SMIM14: variants seen among roughly 807,000 people sequenced by gnomAD.
The protein encoded by SMIM14 is small integral membrane protein 14.
A neutral mutation model predicts 12.6 loss-of-function variants in SMIM14; 5 were observed. The observed-to-expected ratio is 0.40, with a 90% CI of 0.21 to 0.83. SMIM14 has a LOEUF of 0.83. Ranked by LOEUF, SMIM14 falls within the 40% of genes least tolerant of loss-of-function variation. The pLI is 0.37. For synonymous variants in SMIM14, 30 were observed against 40.1 expected, an observed-to-expected ratio of 0.75 and a Z score of 0.95; for missense variants, 86 against 119.1, an observed-to-expected ratio of 0.72 and a Z score of 1.29.
At chr4:39,575,361 A>T (rs534631078) in intron 2 of SMIM14, among the ~76,000 whole-genome samples, 12 of 151,954 alleles carry the variant, frequency 7.9e-5, no homozygotes, top group Admixed American at 2.6e-4. Context: ...AGATTTTTTT[A>T]AAAAATTAAT....
intron 2 of SMIM14, among the ~76,000 whole-genome samples, chr4:39,590,028 A>C (rs901994254): frequency 2.7e-5 from 4 of 150,888 alleles, no homozygotes; most frequent in Non-Finnish European, 5.9e-5. Flanking sequence ...GTTTCAAAAA[A>C]AAAAAAAAAA....
intron 1 of SMIM14, among the ~76,000 whole-genome samples, chr4:39,632,781 A>T (rs1423396449): frequency 2.3e-5 from 1 of 43,566 alleles, no homozygotes; most frequent in Non-Finnish European, 4.7e-5. Flanking sequence ...CCCGTCACAC[A>T]CACACACACA....
At chr4:39,638,479 C>T (rs1428727948) in intron 1 of SMIM14, 9 of 985,362 alleles carry the variant, frequency 9.1e-6, no homozygotes, top group Non-Finnish European at 1.1e-5. Context: ...CTACCTTGCC[C>T]TTGCCTGCAA....
intron 3 of SMIM14, among the ~76,000 whole-genome samples, chr4:39,568,262 G>C (rs1411765188): frequency 6.7e-6 from 1 of 149,182 alleles, no homozygotes; most frequent in Admixed American, 6.7e-5. Flanking sequence ...CTGGGCAACA[G>C]AGCAAGACTC....
intron 1 of SMIM14, among the ~76,000 whole-genome samples, chr4:39,623,357 G>A (rs1053611702): frequency 1.3e-5 from 2 of 152,024 alleles, no homozygotes; most frequent in African/African-American, 4.8e-5. Context: ...CATTTTTATA[G>A]AAAAACAAAC....
chr4:39,559,842 C>T (rs528450904), intron 3 of SMIM14, among the ~76,000 whole-genome samples: 2 of 151,978 alleles, frequency 1.3e-5, no homozygotes, highest in East Asian at 1.9e-4. Flanking sequence ...ACAGGCCGGG[C>T]GTGGCAGCTC....
At chr4:39,568,459 G>A (rs1342485576) in intron 3 of SMIM14, among the ~76,000 whole-genome samples, 1 of 151,798 alleles carries the variant, frequency 6.6e-6, no homozygotes, top group African/African-American at 2.4e-5. Context: ...CTATGAAAAG[G>A]GGAAGAGTAA....
chr4:39,611,432 G>C (rs1217129378), intron 1 of SMIM14, among the ~76,000 whole-genome samples: 1 of 152,074 alleles, frequency 6.6e-6, no homozygotes, highest in Non-Finnish European at 1.5e-5. Context: ...CTTGAACTCG[G>C]GGGGTGGAGG....
intron 2 of SMIM14, among the ~76,000 whole-genome samples, chr4:39,590,699 G>A (rs1208936064): frequency 6.6e-6 from 1 of 151,998 alleles, no homozygotes; most frequent in Non-Finnish European, 1.5e-5. Flanking sequence ...CTACTTGGGA[G>A]GCTGAGGCAG....
At position 39,566,695 on chromosome 4, in the gene SMIM14, G is replaced by A. The variant is rs556064589; in HGVS notation, c.124+5720C>T. Among the ~76,000 whole-genome samples the A allele has an allele frequency of 3.3e-5, 5 of 152,116 alleles. No homozygotes were observed. The South Asian group carries it at 8.3e-4, about 25-fold the overall frequency. ...TAAAAATACAAAAATTAGGCCAGGC[G>A]TGGTGGCTCACGCCTATAATCCCAG... On this transcript the variant is annotated intron_variant, in intron 3 of 4. Coordinates refer to ENST00000295958, the MANE Select transcript of SMIM14 (RefSeq NM_174921.3).
intron 4 of SMIM14, 124 bp downstream of exon 4, chr4:39,556,304 G>T (rs1421796058): frequency 2.4e-6 from 2 of 850,924 alleles, no homozygotes; most frequent in Non-Finnish European, 3.6e-6. Context: ...TACATAGGTA[G>T]AATACTCTAT....
rs1306140533 is a variant in SMIM14, at chr4:39,558,736, G to A, written c.125-2166C>T. ...TTTTTTTGTTTGTTTTTTTGAGACA[G>A]AGTCTTGCCCTGTCGTCCAAGCTGG... is the stretch of plus-strand genomic sequence containing the variant. On this transcript the variant is annotated intron_variant, in intron 3 of 4. Coordinates refer to ENST00000295958, the MANE Select transcript of SMIM14 (RefSeq NM_174921.3). The surrounding 1 kb of genome is among the most constrained non-coding windows in gnomAD (Gnocchi z 4.3). Among the ~76,000 whole-genome samples the A allele has an allele frequency of 6.6e-6, 1 of 152,144 alleles. No homozygotes were observed. The highest frequency in any genetic ancestry group is 2.4e-5 in the African/African-American group (1 of 41,438).
intron 1 of SMIM14, among the ~76,000 whole-genome samples, chr4:39,636,527 C>T (rs145873274): frequency 3.8e-4 from 58 of 152,232 alleles, no homozygotes; most frequent in African/African-American, 1.3e-3. Context: ...CCATTATCCA[C>T]AAGGGATACA....
rs1711734434 is a variant in SMIM14 at position 39,551,952 on chromosome 4, A to C, written c.*174T>G. 4.4e-6 allele frequency: 2 copies of C among 453,734 alleles called. No homozygotes were observed. Among genetic ancestry groups the C allele is most frequent in the Non-Finnish European group, 7.9e-6 (2 of 252,936 alleles). 28.1% of individuals were successfully genotyped at this position (453,734 alleles called of 1,614,324 possible). On this transcript the variant is annotated 3_prime_UTR_variant, in exon 5 of 5. Coordinates refer to ENST00000295958, the MANE Select transcript of SMIM14 (RefSeq NM_174921.3). The stretch of plus-strand genomic sequence containing the variant: ...CTGTAAATAGGAATGGCAGTAACAC[A>C]GGAAGCAAAAATAAACTTGCAAGTG...
chr4:39,601,925 G>A (rs1560300243), intron 2 of SMIM14, among the ~76,000 whole-genome samples: 1 of 148,414 alleles, frequency 6.7e-6, no homozygotes, highest in Admixed American at 6.8e-5. Flanking sequence ...TCAGCCTGGG[G>A]GAAAAGAATA....
At chr4:39,578,643 G>A (rs898083132) in intron 2 of SMIM14, among the ~76,000 whole-genome samples, 1 of 152,078 alleles carries the variant, frequency 6.6e-6, no homozygotes, top group Non-Finnish European at 1.5e-5. Flanking sequence ...AGTAGAGTTC[G>A]ATCTCCCCAT....
At position 39,549,205 on chromosome 4, in the gene SMIM14, C is replaced by T. The variant is rs963656167; in HGVS notation, c.*2921G>A. On this transcript the variant is annotated 3_prime_UTR_variant, in exon 5 of 5. Transcript: ENST00000295958. ...CAAAACTCCATCTCAAAACAACAAC[C>T]AAAAAGAATCCAGATTTTTAGGTGT... The T allele has an allele frequency of 1.3e-5, 2 of 151,954 alleles. No homozygotes were observed. Among genetic ancestry groups the T allele is most frequent in the African/African-American group, 4.8e-5 (2 of 41,384 alleles). The allele number at this position is 151,954 out of a possible 1,614,324, so 9.4% of individuals were successfully genotyped here. A position where few individuals can be genotyped will look rare whatever the true frequency, so the allele number is the denominator to read the frequency against.
intron 1 of SMIM14, 117 bp downstream of exon 1, chr4:39,638,610 AAGCCCGAGAAAC>A (rs1325023046): frequency 1.0e-6 from 1 of 976,518 alleles, no homozygotes; most frequent in East Asian, 1.1e-4. Context: ...AGGAAACGCC[AAGCCCGAGAAAC>A]AGCCCTGTTC....
At chr4:39,633,608 A>C (rs547502116) in intron 1 of SMIM14, among the ~76,000 whole-genome samples, 163 of 152,272 alleles carry the variant, frequency 1.1e-3, no homozygotes, top group Non-Finnish European at 1.8e-3. Flanking sequence ...AACAAACAAA[A>C]AAAAATTAGT....
Sources: gnomAD v4.1 joint callset for allele counts (sites outside exome capture counted in the v4.1 genomes callset) on GRCh38, gnomAD v4.1.1 for gene constraint, Gnocchi (gnomAD v3.1) non-coding constraint, MANE v1.5 for transcripts, NCBI Gene and HGNC (gene_info 2026-07-23, HGNC 2026-07-21) for gene names.